FAT2: variants seen among roughly 807,000 people sequenced by gnomAD.
FAT2 encodes the protein protocadherin Fat 2.
FAT2 carries 150 observed loss-of-function variants against 295.3 expected under a neutral mutation model. That is an observed-to-expected ratio of 0.51 (90% CI 0.44 to 0.58). FAT2 has a LOEUF of 0.58. Among genes scored for constraint, FAT2 ranks in the 20% least tolerant of loss-of-function variants. The probability of loss-of-function intolerance (pLI) is 0.00; values close to 1 mark genes in which losing one functional copy is unlikely to be tolerated. For missense variants in FAT2, 4,868 were observed against 5,442.7 expected (o/e 0.89, Z 3.32); for synonymous variants, 2,026 against 2,150.3 (o/e 0.94, Z 1.60).
Position 151,553,314 on chromosome 5 carries a change from G to A in FAT2, c.4019C>T (p.Pro1340Leu), listed in dbSNP as rs2127627572. The A allele has an allele frequency of 6.2e-7, 1 of 1,614,256 alleles. No individual in the cohort carries two copies. The change falls in exon 6 of 24, where the codon CCC (proline) becomes CTC (leucine). Residue 1340 changes from proline (P) to leucine (L), a missense_variant. Transcript: ENST00000261800. ...VRLHIEWIPW[P>L]RPSSIPLAFD... ...GGCCAGAGGGATGGAGGACGGCCGG[G>A]GCCAAGGGATCCACTCAATGTGTAG...
chr5:151,569,027 G>T, intron 1 of FAT2, 76 bp from the exon 2 acceptor site: 1 of 1,393,114 alleles, frequency 7.2e-7, no homozygotes, highest in South Asian at 1.4e-5. Flanking sequence ...TTAACTGGAG[G>T]TGATTTTGAC....
intron 1 of FAT2, among the ~76,000 whole-genome samples, chr5:151,581,137 C>A (rs1403377170): frequency 6.6e-6 from 1 of 152,180 alleles, no homozygotes; most frequent in Non-Finnish European, 1.5e-5. Context: ...CTGCCCCGGG[C>A]CCACTGCTGG....
chr5:151,521,648 G>A lies in FAT2; in HGVS notation c.10945C>T (p.Arg3649Trp), dbSNP rs142359154. 4.2e-5 allele frequency: 68 copies of A among 1,614,046 alleles called. No homozygotes were observed. The highest frequency in any genetic ancestry group is 4.9e-5 in the Non-Finnish European group (58 of 1,180,024). Residue 3649 changes from arginine to tryptophan, a missense_variant, in exon 19 of 24, where the codon CGG becomes TGG. Arg to Trp is a moderately radical substitution (Grantham distance 101). This residue lies in a region of FAT2 where 1,046 missense variants were observed against 1,210.1 expected (regional missense o/e 0.86). Transcript: ENST00000261800. The part of the protein sequence containing the change: ...TPEELVSDHW[R>W]NLQRFLSHKL... Reference sequence around the variant, plus strand: ...TGGCTGAGGAACCTCTGCAGGTTCCGCCAGTGGTCACTCACCAGCTCCTCG... The same window carrying A: ...TGGCTGAGGAACCTCTGCAGGTTCCACCAGTGGTCACTCACCAGCTCCTCG...
At position 151,554,468 on chromosome 5, in the gene FAT2, G is replaced by A. The variant is rs778654059; in HGVS notation, c.3839C>T (p.Thr1280Ile). 1.2e-6 allele frequency: 2 copies of A among 1,614,194 alleles called. No individual in the cohort carries two copies. The highest frequency in any genetic ancestry group is 8.5e-7 in the Non-Finnish European group (1 of 1,180,040). The change falls in exon 5 of 24, where the codon ACC (threonine) becomes ATC (isoleucine). Residue 1280 changes from threonine to isoleucine, a missense_variant. Coordinates refer to ENST00000261800, the MANE Select transcript of FAT2 (RefSeq NM_001447.3). The part of the protein sequence containing the change: ...DLDEGLNGRV[T>I]YSIEDSDEEA... Reference sequence around the variant, plus strand: ...CTCATCGCTGTCCTCGATACTGTAGGTGACTCTGCCATTAAGACCCTCATC... The same window carrying A: ...CTCATCGCTGTCCTCGATACTGTAGATGACTCTGCCATTAAGACCCTCATC...
intron 1 of FAT2, among the ~76,000 whole-genome samples, chr5:151,576,727 A>G (rs2127656854): frequency 6.6e-6 from 1 of 152,370 alleles, no homozygotes; most frequent in South Asian, 2.1e-4. Context: ...CATTCTAGGT[A>G]CCTGCTAGTC....
chr5:151,582,554 A>G (rs1034785181), intron 1 of FAT2, among the ~76,000 whole-genome samples: 1 of 152,264 alleles, frequency 6.6e-6, no homozygotes, highest in Non-Finnish European at 1.5e-5. Context: ...TTTTGGTGTG[A>G]CTGGTGTTTG....
intron 3 of FAT2, among the ~76,000 whole-genome samples, chr5:151,558,051 A>T (rs971482803): frequency 6.6e-6 from 1 of 152,178 alleles, no homozygotes; most frequent in African/African-American, 2.4e-5. Context: ...AAAGGAGTTG[A>T]ATTCGGTGAC....
intron 4 of FAT2, among the ~76,000 whole-genome samples, chr5:151,555,557 A>G (rs1757622059): frequency 6.6e-6 from 1 of 151,824 alleles, no homozygotes; most frequent in Non-Finnish European, 1.5e-5. Context: ...TTTAGTACAG[A>G]TGGGGTTTCA....
At chr5:151,506,561 C>T (rs947414982) in intron 23 of FAT2, among the ~76,000 whole-genome samples, 2 of 152,162 alleles carry the variant, frequency 1.3e-5, no homozygotes, top group Admixed American at 1.3e-4. Flanking sequence ...TGGTCCTAGC[C>T]CTGCCTCTGC....
chr5:151,565,718 G>T lies in FAT2; in HGVS notation c.3214C>A (p.Arg1072Ser), dbSNP rs376802525. Residue 1072 changes from arginine to serine, a missense_variant, in exon 2 of 24, where the codon CGT (arginine) becomes AGT (serine). Arg to Ser is a moderately radical substitution (Grantham distance 110, BLOSUM62 -1). This residue lies in a region of FAT2 where 3,297 missense variants were observed against 3,669.4 expected (regional missense o/e 0.90). Transcript: ENST00000261800. Reference sequence around the variant, plus strand: ...AAGGCTGCGAGTCCAGTGCCAGCACGCAGGAAGTACTGGAGCTCCCCATCC... The same window carrying T: ...AAGGCTGCGAGTCCAGTGCCAGCACTCAGGAAGTACTGGAGCTCCCCATCC... ...GLDGELQYFL[R>S]AGTGLAAFSI... 5.1e-6 allele frequency: 7 copies of T among 1,362,834 alleles called. No individual in the cohort carries two copies. The highest frequency in any genetic ancestry group is 6.9e-6 in the Non-Finnish European group (7 of 1,021,540). The allele number at this position is 1,362,834 out of a possible 1,614,324, so 84.4% of individuals were successfully genotyped here.
chr5:151,509,973 G>C, intron 22 of FAT2, 48 bp downstream of exon 22: 2 of 1,594,924 alleles, frequency 1.3e-6, no homozygotes, highest in Non-Finnish European at 1.7e-6. Flanking sequence ...AGTACAGAGC[G>C]CATTCCCTAA....
chr5:151,555,367 C>CTTTTTTTTT, intron 4 of FAT2, among the ~76,000 whole-genome samples: 1 of 123,110 alleles, frequency 8.1e-6, no homozygotes, highest in Non-Finnish European at 1.7e-5. Flanking sequence ...TAATATATTT[C>CTTTTTTTTT]TTTTTTTTTT....
rs148248294 is a variant in FAT2, at chr5:151,543,714, A to G, written c.7413T>C (p.Thr2471=). 4.8e-4 allele frequency: 775 copies of G among 1,614,182 alleles called. 5 individuals are homozygous for G. In the African/African-American group the frequency reaches 9.5e-3, roughly 20 times the overall value. The change falls in exon 10 of 24, where the codon ACT becomes ACC. Residue 2471 remains threonine, a synonymous_variant. Coordinates refer to ENST00000261800, the MANE Select transcript of FAT2 (RefSeq NM_001447.3). The part of the protein sequence containing the change: ...FRATVPVYIN[T]TNANKYSPEF... Reference sequence around the variant, plus strand: ...CTGGGCTGTACTTGTTGGCATTTGTAGTGTTGATGTACACAGGCACAGTTG... The same window carrying G: ...CTGGGCTGTACTTGTTGGCATTTGTGGTGTTGATGTACACAGGCACAGTTG...
rs200363852 is a variant in FAT2 at position 151,521,969 on chromosome 5, C to T, written c.10624G>A (p.Glu3542Lys). The change falls in exon 19 of 24, where the codon GAG becomes AAG. Residue 3542 changes from glutamate (E) to lysine (K), a missense_variant. Transcript: ENST00000261800. ...ACCATGCCACCCTGGAACTCATCCTCTCCAACAGTGATGAAGATCTCCAGT... is the reference window on the plus strand; with the variant it reads ...ACCATGCCACCCTGGAACTCATCCTTTCCAACAGTGATGAAGATCTCCAGT... ...LPLEIFITVGEDEFQGGMVGK... is the reference protein window; with the variant it reads ...LPLEIFITVGKDEFQGGMVGK... 6.2e-7 allele frequency: 1 copy of T among 1,614,200 alleles called. No individual in the cohort carries two copies. Among genetic ancestry groups the T allele is most frequent in the Non-Finnish European group, 8.5e-7 (1 of 1,180,030 alleles).
At position 151,545,351 on chromosome 5, in the gene FAT2, A is replaced by G. The variant is rs752627716; in HGVS notation, c.5776T>C (p.Ser1926Pro). The G allele has an allele frequency of 1.5e-5, 25 of 1,614,052 alleles. No individual in the cohort carries two copies. Among genetic ancestry groups the G allele is most frequent in the Non-Finnish European group, 1.9e-5 (22 of 1,180,018 alleles). Residue 1926 changes from serine to proline, a missense_variant, in exon 10 of 24, where the codon TCT becomes CCT. Coordinates refer to ENST00000261800, the MANE Select transcript of FAT2 (RefSeq NM_001447.3). Reference protein sequence around the residue: ...VTIHPVTGSISVLNPAFLGLS... With the variant: ...VTIHPVTGSIPVLNPAFLGLS... ...CCCAGGAAAGCAGGATTCAGCACAG[A>G]TATGCTACCAGTGACAGGATGGATG...
chr5:151,567,966 C>T lies in FAT2; in HGVS notation c.966G>A (p.Trp322Ter). ...GGTTGAACCCATGAAGGTACTCCAT[C>T]CAGTTGATGTCTTTGACAGACACCA... ...FSLVSVKDIN[W>*]MEYLHGFNLS... The change falls in exon 2 of 24, where the codon TGG becomes TGA. Residue 322 changes from tryptophan (W) to a stop codon, truncating the protein, a stop_gained. Transcript: ENST00000261800. LOFTEE classifies it high-confidence loss of function. The T allele has an allele frequency of 6.2e-7, 1 of 1,614,218 alleles. No homozygotes were observed. Among genetic ancestry groups the T allele is most frequent in the Non-Finnish European group, 8.5e-7 (1 of 1,180,038 alleles).
intron 12 of FAT2, among the ~76,000 whole-genome samples, chr5:151,536,846 G>A (rs1314189226): frequency 6.6e-6 from 1 of 152,198 alleles, no homozygotes; most frequent in Non-Finnish European, 1.5e-5. Flanking sequence ...CTAAAGGTGG[G>A]ATTTGGCTCT....
At chr5:151,560,335 C>T (rs1757966012) in intron 3 of FAT2, among the ~76,000 whole-genome samples, 1 of 152,202 alleles carries the variant, frequency 6.6e-6, no homozygotes, top group Non-Finnish European at 1.5e-5. Flanking sequence ...TGAGAAAACT[C>T]AAGCATAGAG....
In FAT2 at chr5:151,565,834, G is replaced by A. The variant is rs1410349227; in HGVS notation, c.3098C>T (p.Ala1033Val). ...CACCTGGCCCTGGTGCACGAAGGAG[G>A]CAAAGTGGGGAGGGTGGAGATTCTC... ...VNENLHPPHF[A>V]SFVHQGQVQE... Residue 1033 changes from alanine to valine, a missense_variant, in exon 2 of 24, where the codon GCC becomes GTC. Coordinates refer to ENST00000261800, the MANE Select transcript of FAT2 (RefSeq NM_001447.3). 1 of 1,614,116 alleles carries A rather than the reference G, an allele frequency of 6.2e-7. No homozygotes were observed. Among genetic ancestry groups the A allele is most frequent in the East Asian group, 2.2e-5 (1 of 44,882 alleles).
Sources: gnomAD v4.1 joint callset for allele counts (sites outside exome capture counted in the v4.1 genomes callset) on GRCh38, gnomAD v4.1.1 for gene constraint, gnomAD v4.1.1 regional missense constraint, MANE v1.5 for transcripts, NCBI Gene and HGNC (gene_info 2026-07-23, HGNC 2026-07-21) for gene names.